Variants in SVEP1 observed in about 807,000 individuals in gnomAD.
SVEP1 encodes sushi, von Willebrand factor type A, EGF and pentraxin domain containing 1, also known as sushi, von Willebrand factor type A, EGF and pentraxin domain-containing protein 1.
In SVEP1, 164 loss-of-function variants were observed where a neutral mutation model predicts 367.3. The ratio of observed to expected loss-of-function variants is 0.45; its 90% confidence interval spans 0.39 to 0.51. SVEP1 has a LOEUF of 0.51. Ranked by LOEUF, SVEP1 falls within the 20% of genes least tolerant of loss-of-function variation. SVEP1 has a pLI of 0.00. For synonymous variants in SVEP1, 1,666 were observed against 1,611.6 expected (o/e 1.03, Z -0.81); for missense variants, 4,117 against 4,425.3 (o/e 0.93, Z 1.98).
At chr9:110,554,071 T>G (rs927589486) in intron 1 of SVEP1, among the ~76,000 whole-genome samples, 13 of 152,210 alleles carry the variant, frequency 8.5e-5, no homozygotes, top group African/African-American at 3.1e-4. Flanking sequence ...ATTTACTGAT[T>G]AAACTGTTCT....
At chr9:110,485,677 T>C (rs1452318356) in intron 9 of SVEP1, among the ~76,000 whole-genome samples, 1 of 152,224 alleles carries the variant, frequency 6.6e-6, no homozygotes, top group Non-Finnish European at 1.5e-5. Flanking sequence ...TACATGCCTT[T>C]GAGGTTTGAG....
At chr9:110,397,070 T>C (rs1223566589) in intron 40 of SVEP1, among the ~76,000 whole-genome samples, 1 of 152,210 alleles carries the variant, frequency 6.6e-6, no homozygotes, top group African/African-American at 2.4e-5. Context: ...ATATCCTTGA[T>C]GAACATTGAT....
intron 1 of SVEP1, among the ~76,000 whole-genome samples, chr9:110,557,941 T>C (rs1228058315): frequency 1.3e-5 from 2 of 152,198 alleles, no homozygotes; most frequent in Non-Finnish European, 2.9e-5. Flanking sequence ...AGTAGCCACA[T>C]ATGGCTATTG....
chr9:110,393,914 A>G (rs1288931214), intron 40 of SVEP1, among the ~76,000 whole-genome samples: 2 of 152,216 alleles, frequency 1.3e-5, no homozygotes, highest in East Asian at 3.8e-4. Context: ...CTGCCTCTGT[A>G]GGCTCCACCT....
chr9:110,383,598 C>A (rs990161028), intron 43 of SVEP1, among the ~76,000 whole-genome samples: 1 of 152,072 alleles, frequency 6.6e-6, no homozygotes, highest in African/African-American at 2.4e-5. Context: ...GGATCAGGGA[C>A]TCGCTTAACA....
At chr9:110,439,429 T>C (rs1828479159) in intron 27 of SVEP1, among the ~76,000 whole-genome samples, 1 of 152,112 alleles carries the variant, frequency 6.6e-6, no homozygotes, top group Non-Finnish European at 1.5e-5. Flanking sequence ...GTGTCACTCT[T>C]GTTGCCCAGG....
intron 3 of SVEP1, among the ~76,000 whole-genome samples, chr9:110,516,207 T>C (rs1031850427): frequency 1.3e-5 from 2 of 149,768 alleles, no homozygotes; most frequent in African/African-American, 2.4e-5. Context: ...AAAATAAAAA[T>C]ATAATATACT....
chr9:110,497,651 A>G (rs1043844889), intron 7 of SVEP1, among the ~76,000 whole-genome samples: 2 of 152,276 alleles, frequency 1.3e-5, no homozygotes, highest in Admixed American at 6.5e-5. Context: ...CTGTCAAAGC[A>G]AGCAACAAAT....
In SVEP1 at chr9:110,486,979, G is replaced by A. The variant is rs148568054; in HGVS notation, c.1930+2671C>T. On this transcript the variant is annotated intron_variant, in intron 9 of 47. Coordinates refer to ENST00000374469, the MANE Select transcript of SVEP1 (RefSeq NM_153366.4). ...CTCTCTCTGTCTCTCTCTTTGAGAC[G>A]GAGTTTTGCTCTTGTTGCCCAGGCT... Among the ~76,000 whole-genome samples, 647 of 148,600 alleles carry A rather than the reference G, an allele frequency of 4.4e-3. 3 individuals are homozygous for A. The highest frequency in any genetic ancestry group is 7.8e-3 in the Non-Finnish European group (526 of 67,268).
intron 40 of SVEP1, among the ~76,000 whole-genome samples, chr9:110,398,738 G>T (rs1402186005): frequency 6.6e-6 from 1 of 152,166 alleles, no homozygotes; most frequent in Non-Finnish European, 1.5e-5. Flanking sequence ...AAACACTCAT[G>T]AAAAAATGCT....
chr9:110,398,795 A>C (rs904068878), intron 40 of SVEP1, among the ~76,000 whole-genome samples: 9 of 152,356 alleles, frequency 5.9e-5, no homozygotes, highest in East Asian at 5.8e-4. Flanking sequence ...CCACAATGAG[A>C]TGCCATCTCA....
intron 5 of SVEP1, among the ~76,000 whole-genome samples, chr9:110,507,851 T>C (rs1193636995): frequency 6.6e-6 from 1 of 152,154 alleles, no homozygotes; most frequent in Non-Finnish European, 1.5e-5. Context: ...TTCAACAAAC[T>C]GCCAAGATGA....
At chr9:110,478,029 T>C (rs560645369) in intron 13 of SVEP1, among the ~76,000 whole-genome samples, 7 of 152,330 alleles carry the variant, frequency 4.6e-5, no homozygotes, top group African/African-American at 1.7e-4. Flanking sequence ...TTTTTGACCA[T>C]CTATCACTCA....
rs556010899 is a variant in SVEP1 at position 110,429,751 on chromosome 9, T to C, written c.5615+169A>G. 3.3e-5 allele frequency among the ~76,000 whole-genome samples: 5 copies of C among 152,356 alleles called. No homozygotes were observed. In the East Asian group the frequency reaches 9.6e-4, roughly 29 times the overall value. On this transcript the variant is annotated intron_variant, in intron 34 of 47. Coordinates refer to ENST00000374469, the MANE Select transcript of SVEP1 (RefSeq NM_153366.4). ...TAAGGATTCTAGATATAACTACCAT[T>C]AAATTATTGGATTAAGATTTGTTCA...
intron 3 of SVEP1, among the ~76,000 whole-genome samples, chr9:110,538,799 C>T (rs1161473970): frequency 6.6e-6 from 1 of 152,036 alleles, no homozygotes; most frequent in African/African-American, 2.4e-5. Flanking sequence ...TCTCAAATCC[C>T]TCCGGGGAAA....
intron 3 of SVEP1, among the ~76,000 whole-genome samples, chr9:110,534,725 G>C (rs1207612783): frequency 1.3e-5 from 2 of 152,058 alleles, no homozygotes; most frequent in Non-Finnish European, 2.9e-5. Flanking sequence ...ATTCTGACTA[G>C]TATGAGGTAG....
intron 8 of SVEP1, among the ~76,000 whole-genome samples, chr9:110,496,565 G>C (rs964092915): frequency 1.3e-5 from 2 of 152,152 alleles, no homozygotes; most frequent in African/African-American, 4.8e-5. Flanking sequence ...CTGAGGTTTT[G>C]GGACTTGGAC....
intron 41 of SVEP1, among the ~76,000 whole-genome samples, chr9:110,388,963 T>G (rs1827570915): frequency 6.7e-6 from 1 of 148,848 alleles, no homozygotes; most frequent in African/African-American, 2.5e-5. Context: ...AGTGAGACTC[T>G]ATTTAAAAAT....
At chr9:110,467,044 G>A (rs1014628433) in intron 17 of SVEP1, among the ~76,000 whole-genome samples, 10 of 151,940 alleles carry the variant, frequency 6.6e-5, no homozygotes, top group Admixed American at 4.6e-4. Context: ...CATGTTTAGC[G>A]CATTTCCAAT....
Sources: gnomAD v4.1 joint callset for allele counts (sites outside exome capture counted in the v4.1 genomes callset) on GRCh38, gnomAD v4.1.1 for gene constraint, MANE v1.5 for transcripts, NCBI Gene and HGNC (gene_info 2026-07-23, HGNC 2026-07-21) for gene names.